The following RNF213 variants were observed in gnomAD, a reference collection of about 807,000 sequenced individuals.
The protein encoded by RNF213 is E3 ubiquitin-protein ligase RNF213.
Under a neutral mutation model 514.4 loss-of-function variants are expected in RNF213, and 341 were observed. The ratio of observed to expected loss-of-function variants is 0.66; its 90% CI spans 0.61 to 0.73. The LOEUF is 0.73. Ranked by LOEUF, RNF213 falls within the 30% of genes least tolerant of loss-of-function variation. The probability of loss-of-function intolerance (pLI) is 0.00; values close to 1 mark genes in which losing one functional copy is unlikely to be tolerated. For synonymous variants in RNF213, 2,655 were observed against 2,658.2 expected (o/e 1.00, Z 0.04); for missense variants, 5,767 against 6,615.6 (o/e 0.87, Z 4.45).
intron 3 of RNF213, 148 bp downstream of exon 3, chr17:80,273,552 T>C: frequency 2.1e-6 from 2 of 963,454 alleles, no homozygotes; most frequent in Non-Finnish European, 3.1e-6. Context: ...CTGCCCCTTC[T>C]GCACCTGATT....
In RNF213 at chr17:80,353,852, C is replaced by T. The variant is rs1164074292; in HGVS notation, c.10579-167C>T. Reference sequence around the variant, plus strand: ...TACTGGGGGTCAAGGGCATCTGCACCGGCAGTTTGGGGGGTGCAGGGCGGA... The same window carrying T: ...TACTGGGGGTCAAGGGCATCTGCACTGGCAGTTTGGGGGGTGCAGGGCGGA... On this transcript the variant is annotated intron_variant, in intron 34 of 67. Coordinates refer to ENST00000582970, the MANE Select transcript of RNF213 (RefSeq NM_001256071.3). The surrounding 1 kb of genome is among the most constrained non-coding windows in gnomAD (Gnocchi z 5.0). The T allele has an allele frequency of 2.6e-5, 31 of 1,194,328 alleles. No homozygotes were observed. The highest frequency in any genetic ancestry group is 3.9e-5 in the South Asian group (3 of 77,206). The allele number at this position is 1,194,328 out of a possible 1,614,324, so 74.0% of individuals were successfully genotyped here.
At chr17:80,388,350 C>T (rs1041466228) in intron 63 of RNF213, among the ~76,000 whole-genome samples, 2 of 152,210 alleles carry the variant, frequency 1.3e-5, no homozygotes, top group African/African-American at 4.8e-5. Flanking sequence ...GTTGCCCTAG[C>T]GCCTCCTGTG....
At chr17:80,289,582 C>A in intron 5 of RNF213, 77 bp from the exon 6 acceptor site, 1 of 1,488,358 alleles carries the variant, frequency 6.7e-7, no homozygotes, top group Non-Finnish European at 9.2e-7. Context: ...AAGAGCGAGA[C>A]TCTGTCTCAG....
At chr17:80,296,922 G>A (rs1250188931) in intron 10 of RNF213, among the ~76,000 whole-genome samples, 4 of 151,446 alleles carry the variant, frequency 2.6e-5, no homozygotes, top group South Asian at 2.1e-4. Flanking sequence ...CTTGTGATCC[G>A]CCTGCCTCGA....
At chr17:80,380,392 G>A (rs1283020035) in intron 55 of RNF213, among the ~76,000 whole-genome samples, 2 of 152,152 alleles carry the variant, frequency 1.3e-5, no homozygotes, top group African/African-American at 4.8e-5. Flanking sequence ...GAGAGCATCG[G>A]CCACACTGCA....
At position 80,389,373 on chromosome 17, in the gene RNF213, T is replaced by C; in HGVS notation, c.15195+6T>C. 6.2e-7 allele frequency: 1 copy of C among 1,613,168 alleles called. No individual in the cohort carries two copies. Among genetic ancestry groups the C allele is most frequent in the Admixed American group, 1.7e-5 (1 of 59,934 alleles). On this transcript the variant is annotated splice_donor_region_variant and intron_variant, in intron 65 of 67. Coordinates refer to ENST00000582970, the MANE Select transcript of RNF213 (RefSeq NM_001256071.3). ...AGACGATTCACGTGTTAAAGGTGGG[T>C]CTCACACCGAAAAGGAAATCAGCAC...
rs745451198 is a variant in RNF213, at chr17:80,347,914, G to T, written c.9579G>T (p.Ala3193=). 1.9e-6 allele frequency: 3 copies of T among 1,614,086 alleles called. No homozygotes were observed. Among genetic ancestry groups the T allele is most frequent in the African/African-American group, 2.7e-5 (2 of 74,940 alleles). ...AGAGCATCGTGGAGGAGCTCTGTGC[G>T]TGGGTGGAGAAGTTCATCAATGTCA... The part of the protein sequence containing the change: ...WQKSIVEELC[A]WVEKFINVKA... Residue 3193 remains alanine (A), a synonymous_variant, in exon 29 of 68, where the codon GCG becomes GCT. Transcript: ENST00000582970. This position sits in a 1 kb window ranked among gnomAD's most constrained non-coding sequence, Gnocchi z 7.2.
intron 38 of RNF213, among the ~76,000 whole-genome samples, chr17:80,360,816 A>G (rs1328148701): frequency 6.6e-6 from 1 of 152,190 alleles, no homozygotes; most frequent in East Asian, 1.9e-4. Flanking sequence ...TTCCACGTTT[A>G]CTTATCGTAC....
chr17:80,278,244 G>A (rs539504584), intron 3 of RNF213, among the ~76,000 whole-genome samples: 6 of 152,306 alleles, frequency 3.9e-5, no homozygotes, highest in East Asian at 3.9e-4. Flanking sequence ...GGCGATGCCC[G>A]GTGTGGTGTG....
chr17:80,345,804 A>T lies in RNF213; in HGVS notation c.7469A>T (p.Asn2490Ile). The T allele has an allele frequency of 3.1e-6, 5 of 1,614,144 alleles. No individual in the cohort carries two copies. Among genetic ancestry groups the T allele is most frequent in the Non-Finnish European group, 4.2e-6 (5 of 1,180,044 alleles). ...ACCATCTTGTTTTTTGATGAAGCCA[A>T]CACAACGGAAGCTATAAGCTGTATC... The part of the protein sequence containing the change: ...LDTILFFDEA[N>I]TTEAISCIKE... Residue 2490 changes from asparagine (N) to isoleucine (I), a missense_variant, in exon 29 of 68, where the codon AAC (asparagine) becomes ATC (isoleucine). Coordinates refer to ENST00000582970, the MANE Select transcript of RNF213 (RefSeq NM_001256071.3). The surrounding 1 kb of genome is among the most constrained non-coding windows in gnomAD (Gnocchi z 6.0).
intron 12 of RNF213, 150 bp downstream of exon 12, chr17:80,306,618 G>A (rs939245218): frequency 1.1e-5 from 8 of 756,272 alleles, no homozygotes; most frequent in East Asian, 5.7e-5. Context: ...TTGGGAGGCC[G>A]AGGCGGGCAG....
intron 2 of RNF213, among the ~76,000 whole-genome samples, chr17:80,268,615 CCA>C (rs1305442544): frequency 1.1e-4 from 14 of 127,278 alleles, no homozygotes; most frequent in Non-Finnish European, 2.3e-4. Context: ...GTTTGTCCAT[CCA>C]TCCATCCATC....
At position 80,383,685 on chromosome 17, in the gene RNF213, T is replaced by C. The variant is rs1296240037; in HGVS notation, c.14079T>C (p.Asp4693=). 1 of 1,613,900 alleles carries C rather than the reference T, an allele frequency of 6.2e-7. No individual in the cohort carries two copies. Among genetic ancestry groups the C allele is most frequent in the African/African-American group, 1.3e-5 (1 of 74,896 alleles). The change falls in exon 59 of 68, where the codon GAT becomes GAC. Residue 4693 remains aspartate (D), a synonymous_variant. Transcript: ENST00000582970. ...TCATTTTCTCCATCCAGCATCTAGA[T>C]AAAACCCTTCCCACCATGAATAATC... ...AVISPELEHL[D]KTLPTMNNLI...
chr17:80,273,706 A>G (rs1598891795), intron 3 of RNF213, among the ~76,000 whole-genome samples: 1 of 129,376 alleles, frequency 7.7e-6, no homozygotes, highest in Non-Finnish European at 1.6e-5. Context: ...TGCAGCCTCC[A>G]CCTCCTGGTT....
At chr17:80,320,590 A>G (rs2143842866) in intron 17 of RNF213, 1 of 152,272 alleles carries the variant, frequency 6.6e-6, no homozygotes, top group South Asian at 2.1e-4. Flanking sequence ...GGGTTTCTCC[A>G]TGTTGGTCAG....
chr17:80,284,088 A>G (rs2143138648), intron 3 of RNF213, among the ~76,000 whole-genome samples: 1 of 152,024 alleles, frequency 6.6e-6, no homozygotes, highest in East Asian at 1.9e-4. Flanking sequence ...GGCCGGGCAC[A>G]GTAGCTCACG....
intron 54 of RNF213, chr17:80,379,382 A>C: frequency 1.9e-6 from 1 of 538,530 alleles, no homozygotes; most frequent in Non-Finnish European, 3.4e-6. Context: ...CACTCTGGGA[A>C]TAAAGCTTAA....
intron 37 of RNF213, among the ~76,000 whole-genome samples, chr17:80,359,813 C>T (rs2078988007): frequency 6.6e-6 from 1 of 152,192 alleles, no homozygotes; most frequent in Non-Finnish European, 1.5e-5. Context: ...TTTTGGGCAA[C>T]ACACTTGACC....
intron 54 of RNF213, 97 bp from the exon 55 acceptor site, chr17:80,379,523 T>C (rs2079899605): frequency 8.7e-7 from 1 of 1,149,804 alleles, no homozygotes; most frequent in Admixed American, 1.7e-5. Context: ...GGTGCTCACG[T>C]CTGCCGGTGA....
Sources: allele counts gnomAD v4.1 joint callset (sites outside exome capture counted in the v4.1 genomes callset), GRCh38; gene constraint gnomAD v4.1.1; non-coding constraint Gnocchi (gnomAD v3.1); transcripts MANE v1.5; gene names NCBI Gene and HGNC (gene_info 2026-07-23, HGNC 2026-07-21).